Variants in CADM2 observed in about 807,000 individuals in gnomAD.
CADM2 encodes the protein cell adhesion molecule 2, also known as immunoglobulin superfamily member 4D.
Under a neutral mutation model 49.8 loss-of-function variants are expected in CADM2, and 12 were observed. The observed-to-expected ratio is 0.24, with a 90% CI of 0.15 to 0.39. The LOEUF (loss-of-function observed/expected upper bound fraction) is 0.39. CADM2 is among the 10% of genes least tolerant of loss of function. The probability of loss-of-function intolerance (pLI) is 1.00; values close to 1 mark genes in which losing one functional copy is unlikely to be tolerated. For missense variants in CADM2, 378 were observed against 492.3 expected (o/e 0.77, Z 2.20); for synonymous variants, 214 against 175.4 (o/e 1.22, Z -1.74).
At chr3:85,396,861 A>G (rs72905480) in intron 1 of CADM2, among the ~76,000 whole-genome samples, 6,036 of 152,116 alleles carry the variant, frequency 0.04, 403 homozygotes, top group African/African-American at 0.14. Context: ...TTGCTTAGAC[A>G]TGACACCTAA....
chr3:85,800,066 T>C (rs747388722), intron 2 of CADM2: 3 of 152,234 alleles, frequency 2.0e-5, no homozygotes, highest in African/African-American at 4.8e-5. Flanking sequence ...GCTGCCTTTC[T>C]TTTAGGGATG....
chr3:85,363,680 T>C (rs887286363), intron 1 of CADM2, among the ~76,000 whole-genome samples: 25 of 152,200 alleles, frequency 1.6e-4, no homozygotes, highest in African/African-American at 4.8e-4. Flanking sequence ...GGCTCGATCT[T>C]GGCTCACTGC....
chr3:85,345,294 ACAGAGTGAGTC>A (rs2030484307), intron 1 of CADM2, among the ~76,000 whole-genome samples: 1 of 130,590 alleles, frequency 7.7e-6, no homozygotes, highest in Non-Finnish European at 1.6e-5. Context: ...AGCCTGGGTG[ACAGAGTGAGTC>A]TCCATCTCAA....
At chr3:85,907,833 C>T (rs1717008088) in intron 5 of CADM2, among the ~76,000 whole-genome samples, 1 of 151,808 alleles carries the variant, frequency 6.6e-6, no homozygotes. Flanking sequence ...ATCACTTGAA[C>T]CTGAGATGCA....
intron 8 of CADM2, among the ~76,000 whole-genome samples, chr3:85,995,591 A>G (rs1341683284): frequency 6.6e-6 from 1 of 152,212 alleles, no homozygotes; most frequent in Non-Finnish European, 1.5e-5. Flanking sequence ...GGAACCCCAG[A>G]GAAAATAAGA....
chr3:86,045,278 A>T (rs1274621101), intron 8 of CADM2, among the ~76,000 whole-genome samples: 1 of 152,160 alleles, frequency 6.6e-6, no homozygotes, highest in Non-Finnish European at 1.5e-5. Context: ...GGGAACTGTC[A>T]TTGAGCTTCT....
intron 2 of CADM2, among the ~76,000 whole-genome samples, chr3:85,759,526 C>G (rs1445348563): frequency 1.3e-5 from 2 of 152,062 alleles, no homozygotes; most frequent in African/African-American, 4.8e-5. Context: ...ATGCCATCAT[C>G]ATTCTAGATG....
At chr3:85,469,730 G>GA (rs1382176286) in intron 1 of CADM2, among the ~76,000 whole-genome samples, 7 of 152,116 alleles carry the variant, frequency 4.6e-5, no homozygotes, top group Non-Finnish European at 8.8e-5. Flanking sequence ...AAGAAAACCA[G>GA]AAAAAAACTC....
At chr3:85,491,752 C>G (rs996654632) in intron 1 of CADM2, among the ~76,000 whole-genome samples, 3 of 151,910 alleles carry the variant, frequency 2.0e-5, no homozygotes, top group Admixed American at 6.6e-5. Flanking sequence ...GAGATCGAGA[C>G]CATCCTTGCT....
At chr3:85,826,528 C>T (rs2073920768) in intron 3 of CADM2, among the ~76,000 whole-genome samples, 2 of 151,952 alleles carry the variant, frequency 1.3e-5, no homozygotes, top group Admixed American at 1.3e-4. Flanking sequence ...TTTTAATAGG[C>T]AGAAGTTAAG....
intron 1 of CADM2, among the ~76,000 whole-genome samples, chr3:85,386,120 C>T (rs183491069): frequency 6.6e-6 from 1 of 152,254 alleles, no homozygotes; most frequent in East Asian, 1.9e-4. Context: ...TGCCATCGTA[C>T]TCACTAGGCT....
intron 1 of CADM2, among the ~76,000 whole-genome samples, chr3:85,551,756 C>T (rs950374971): frequency 6.6e-6 from 1 of 152,058 alleles, no homozygotes; most frequent in Non-Finnish European, 1.5e-5. Flanking sequence ...CTAATGTAAA[C>T]TCTGTACTCT....
At chr3:85,365,027 A>T (rs2032648336) in intron 1 of CADM2, among the ~76,000 whole-genome samples, 1 of 152,112 alleles carries the variant, frequency 6.6e-6, no homozygotes, top group Admixed American at 6.5e-5. Flanking sequence ...TAGATCTTTT[A>T]TGTTCTTAAT....
chr3:85,227,008 G>A (rs1191489170), intron 1 of CADM2, among the ~76,000 whole-genome samples: 4 of 152,026 alleles, frequency 2.6e-5, no homozygotes, highest in African/African-American at 9.7e-5. Context: ...TGTGATTTTT[G>A]TTCTTTTATA....
chr3:86,014,533 C>G, intron 8 of CADM2: 1 of 1,572,184 alleles, frequency 6.4e-7, no homozygotes, highest in Non-Finnish European at 8.7e-7. Context: ...AACTTGGAAT[C>G]TCAGCTAGCC....
chr3:85,856,145 C>A (rs2075309599), intron 3 of CADM2, among the ~76,000 whole-genome samples: 1 of 152,050 alleles, frequency 6.6e-6, no homozygotes, highest in African/African-American at 2.4e-5. Context: ...TTGTGTAGTT[C>A]CACTTAGGTA....
Position 85,641,925 on chromosome 3 carries a change from C to G in CADM2, c.62-84597C>G, listed in dbSNP as rs11928212. ...CAGCCTGGGCAACAGAGCGAGACTC[C>G]GTCTCAAAAAAAATTAAAAAAAAGA... On this transcript the variant is annotated intron_variant, in intron 1 of 9. Transcript: ENST00000383699. 2.6e-5 allele frequency among the ~76,000 whole-genome samples: 4 copies of G among 151,528 alleles called. No homozygotes were observed. In the East Asian group the frequency reaches 5.8e-4, roughly 22 times the overall value.
At position 85,150,032 on chromosome 3, in the gene CADM2, G is replaced by A. The variant is rs1186576321; in HGVS notation, c.61+190364G>A. Among the ~76,000 whole-genome samples the A allele has an allele frequency of 3.3e-5, 5 of 152,150 alleles. 1 individual carries two copies. In the South Asian group the frequency reaches 8.3e-4, roughly 25 times the overall value. On this transcript the variant is annotated intron_variant, in intron 1 of 9. Transcript: ENST00000383699. ...ACACCAGCGTGTATATCCGAGTGAA[G>A]GTTAAGGTTAACTTAATTTCTCACT...
chr3:85,049,051 A>T (rs1014073552), intron 1 of CADM2, among the ~76,000 whole-genome samples: 1 of 152,120 alleles, frequency 6.6e-6, no homozygotes, highest in African/African-American at 2.4e-5. Flanking sequence ...GTAGGGGATT[A>T]AAAAAGTTTC....
Sources: allele counts gnomAD v4.1 joint callset (sites outside exome capture counted in the v4.1 genomes callset), GRCh38; gene constraint gnomAD v4.1.1; transcripts MANE v1.5; gene names NCBI Gene and HGNC (gene_info 2026-07-23, HGNC 2026-07-21).